OPA1: variants seen among roughly 807,000 people sequenced by gnomAD.
OPA1 encodes OPA1 mitochondrial dynamin like GTPase, also known as dynamin-like GTPase OPA1, mitochondrial.
Under a neutral mutation model 152.9 loss-of-function variants are expected in OPA1, and 59 were observed. The ratio of observed to expected loss-of-function variants is 0.39; its 90% confidence interval spans 0.31 to 0.48. OPA1 has a LOEUF of 0.48. Among genes scored for constraint, OPA1 ranks in the 20% least tolerant of loss-of-function variants. The pLI is 0.96. For synonymous variants in OPA1, 400 were observed against 389.9 expected, an observed-to-expected ratio of 1.03 and a Z score of -0.31; for missense variants, 1,008 against 1,216.8, an observed-to-expected ratio of 0.83 and a Z score of 2.55.
At chr3:193,610,312 G>T (rs1426341759) in intron 1 of OPA1, among the ~76,000 whole-genome samples, 2 of 152,204 alleles carry the variant, frequency 1.3e-5, no homozygotes. Flanking sequence ...TCCAGACCAT[G>T]TTTGCCTGGG....
intron 27 of OPA1, 149 bp downstream of exon 27, chr3:193,665,145 C>G: frequency 1.7e-6 from 1 of 605,162 alleles, no homozygotes; most frequent in Non-Finnish European, 2.9e-6. Flanking sequence ...TAATCTAACT[C>G]TTATATTTTC....
chr3:193,615,790 A>C lies in OPA1; in HGVS notation c.448+20A>C, dbSNP rs1376357090. On this transcript the variant is annotated intron_variant, in intron 3 of 30. Transcript: ENST00000361510. The stretch of plus-strand genomic sequence containing the variant: ...ATTTTGGTTTGTATCATGAACATTA[A>C]AATACTTTTTTTGGTCATCTCGAGG... The C allele has an allele frequency of 7.1e-7, 1 of 1,416,254 alleles. No individual in the cohort carries two copies. Among genetic ancestry groups the C allele is most frequent in the East Asian group, 2.3e-5 (1 of 43,898 alleles). The allele number at this position is 1,416,254 out of a possible 1,614,324, so 87.7% of individuals were successfully genotyped here. A position where few individuals can be genotyped will look rare whatever the true frequency, so the allele number is the denominator to read the frequency against.
intron 29 of OPA1, among the ~76,000 whole-genome samples, chr3:193,682,007 A>T (rs1167717876): frequency 3.9e-5 from 6 of 152,248 alleles, no homozygotes; most frequent in Non-Finnish European, 8.8e-5. Flanking sequence ...ACTAGAAATG[A>T]TTAAGCTTAG....
chr3:193,636,313 G>A (rs1732929081), intron 9 of OPA1, among the ~76,000 whole-genome samples: 1 of 120,144 alleles, frequency 8.3e-6, no homozygotes, highest in Non-Finnish European at 1.8e-5. Flanking sequence ...TCATTTCCAA[G>A]TGCTAATATA....
chr3:193,639,192 A>G lies in OPA1; in HGVS notation c.1149+1127A>G, dbSNP rs557744200. Among the ~76,000 whole-genome samples, 3 of 152,366 alleles carry G rather than the reference A, an allele frequency of 2.0e-5. No individual in the cohort carries two copies. The South Asian group carries it at 6.2e-4, about 32-fold the overall frequency. ...ATTTACGGAATGCTTAATATGTACC[A>G]GTAGCATTCTAGGCAATATGTTGGT... On this transcript the variant is annotated intron_variant, in intron 11 of 30. Transcript: ENST00000361510.
intron 29 of OPA1, among the ~76,000 whole-genome samples, chr3:193,679,501 A>T (rs947724902): frequency 6.6e-6 from 1 of 152,158 alleles, no homozygotes; most frequent in Non-Finnish European, 1.5e-5. Context: ...CATTGTTCAG[A>T]TAGAGAAATT....
intron 29 of OPA1, 70 bp downstream of exon 29, chr3:193,667,350 C>T (rs761197194): frequency 2.4e-6 from 2 of 837,840 alleles, no homozygotes. Context: ...TTTGTTGATC[C>T]ATTTAATCTC....
intron 29 of OPA1, among the ~76,000 whole-genome samples, chr3:193,677,414 G>A (rs1719356725): frequency 6.6e-6 from 1 of 150,458 alleles, no homozygotes; most frequent in African/African-American, 2.4e-5. Flanking sequence ...TACCTTTAAA[G>A]TTGGGAATAA....
At chr3:193,604,275 C>G (rs1363637666) in intron 1 of OPA1, among the ~76,000 whole-genome samples, 2 of 152,142 alleles carry the variant, frequency 1.3e-5, no homozygotes, top group Non-Finnish European at 2.9e-5. Context: ...TTTGGAAGTC[C>G]TAAAGCTGGG....
At chr3:193,651,423 TG>T (rs1712401907) in intron 21 of OPA1, among the ~76,000 whole-genome samples, 1 of 152,184 alleles carries the variant, frequency 6.6e-6, no homozygotes, top group Admixed American at 6.5e-5. Context: ...TTAGTGATTG[TG>T]TAGATAATGA....
At chr3:193,608,550 C>G (rs377374012) in intron 1 of OPA1, among the ~76,000 whole-genome samples, 2 of 152,234 alleles carry the variant, frequency 1.3e-5, no homozygotes, top group African/African-American at 4.8e-5. Flanking sequence ...TAGTTTGATT[C>G]CACTGTGGTC....
intron 2 of OPA1, 64 bp from the exon 3 acceptor site, chr3:193,615,610 A>G: frequency 1.1e-6 from 1 of 919,516 alleles, no homozygotes; most frequent in Non-Finnish European, 1.8e-6. Context: ...TAATTAAATA[A>G]TTTTTCTTTA....
chr3:193,671,194 C>G (rs866788558), intron 29 of OPA1, among the ~76,000 whole-genome samples: 1 of 152,086 alleles, frequency 6.6e-6, no homozygotes, highest in Non-Finnish European at 1.5e-5. Flanking sequence ...GTGGATGAAG[C>G]CTGGCAATCA....
intron 22 of OPA1, 136 bp from the exon 23 acceptor site, chr3:193,656,944 A>T: frequency 2.6e-6 from 2 of 775,056 alleles, no homozygotes; most frequent in African/African-American, 3.5e-5. Flanking sequence ...CCTTTTTGTT[A>T]ATGTAGTTTC....
intron 22 of OPA1, 26 bp from the exon 23 acceptor site, chr3:193,657,054 G>A (rs767432745): frequency 6.3e-7 from 1 of 1,595,096 alleles, no homozygotes; most frequent in East Asian, 2.2e-5. Flanking sequence ...TAATAATATG[G>A]CTTTTTTTCT....
In OPA1 at chr3:193,676,442, A is replaced by G. The variant is rs111279940; in HGVS notation, c.2983+9162A>G. ...AGAATTATTTTTACCTTGAGTCTGTATAGATGAAGTAGGCTCTGCTTTGTG... is the reference window on the plus strand; with the variant it reads ...AGAATTATTTTTACCTTGAGTCTGTGTAGATGAAGTAGGCTCTGCTTTGTG... On this transcript the variant is annotated intron_variant, in intron 29 of 30. Coordinates refer to ENST00000361510, the MANE Select transcript of OPA1 (RefSeq NM_130837.3). 1.9e-3 allele frequency among the ~76,000 whole-genome samples: 294 copies of G among 152,308 alleles called. 4 individuals are homozygous for G. Among genetic ancestry groups the G allele is most frequent in the South Asian group, 0.011 (55 of 4,824 alleles).
At chr3:193,605,278 G>A (rs1485133240) in intron 1 of OPA1, among the ~76,000 whole-genome samples, 1 of 152,084 alleles carries the variant, frequency 6.6e-6, no homozygotes, top group Non-Finnish European at 1.5e-5. Flanking sequence ...AGGAAATCTT[G>A]GTATTACAAT....
rs772382178 is a variant in OPA1 at position 193,657,194 on chromosome 3, A to G, written c.2293A>G (p.Lys765Glu). The G allele has an allele frequency of 2.5e-6, 4 of 1,614,038 alleles. No individual in the cohort carries two copies. In the Admixed American group the frequency reaches 6.7e-5, roughly 27 times the overall value. Residue 765 changes from lysine to glutamate, a missense_variant, in exon 23 of 31, where the codon AAA becomes GAA. Around this residue, in one of 7 missense-constraint regions of OPA1, gnomAD observed 229 missense variants for 269.0 expected, o/e 0.85. Coordinates refer to ENST00000361510, the MANE Select transcript of OPA1 (RefSeq NM_130837.3). ...AGAGGCTGTTAAGGAAGAAAGTATT[A>G]AACGACACAAGTGGAATGACTTTGC... ...LKEAVKEESI[K>E]RHKWNDFAED...
chr3:193,602,907 C>T (rs1157296545), intron 1 of OPA1, among the ~76,000 whole-genome samples: 14 of 152,154 alleles, frequency 9.2e-5, no homozygotes, highest in Non-Finnish European at 1.8e-4. Flanking sequence ...CATGGGAAGG[C>T]CTTTATCCAA....
Sources: gnomAD v4.1 joint callset for allele counts (sites outside exome capture counted in the v4.1 genomes callset) on GRCh38, gnomAD v4.1.1 for gene constraint, gnomAD v4.1.1 regional missense constraint, MANE v1.5 for transcripts, NCBI Gene and HGNC (gene_info 2026-07-23, HGNC 2026-07-21) for gene names.